Variants in ANKRD30A observed in about 807,000 individuals in gnomAD.
ANKRD30A encodes ankyrin repeat domain-containing protein 30A.
Under a neutral mutation model 166.3 loss-of-function variants are expected in ANKRD30A, and 170 were observed. That is an observed-to-expected ratio of 1.02 (90% confidence interval 0.90 to 1.16). The LOEUF (loss-of-function observed/expected upper bound fraction) is 1.16. Ranked by LOEUF, ANKRD30A falls within the 50% of genes most tolerant of loss-of-function variation. The probability of loss-of-function intolerance (pLI) is 0.00; values close to 1 mark genes in which losing one functional copy is unlikely to be tolerated. For missense variants in ANKRD30A, 1,630 were observed against 1,518.0 expected (o/e 1.07, Z -1.23); for synonymous variants, 564 against 508.9 (o/e 1.11, Z -1.46).
At position 37,125,857 on chromosome 10, in the gene ANKRD30A, C is replaced by G. The variant is rs963339579; in HGVS notation, c.70C>G (p.Leu24Val). Reference protein sequence around the residue: ...GPERPSPFSQLVYTSNDSYIV... With the variant: ...GPERPSPFSQVVYTSNDSYIV... ...GGAGCGCCCGAGCCCTTTCAGCCAG[C>G]TAGTCTATACCAGCAACGACTCCTA... The change falls in exon 1 of 36, where the codon CTA becomes GTA. Residue 24 changes from leucine to valine, a missense_variant. Around this residue, in one of 4 missense-constraint regions of ANKRD30A, gnomAD observed 904 missense variants for 818.5 expected, o/e 1.10. Coordinates refer to ENST00000361713, the MANE Select transcript of ANKRD30A (RefSeq NM_052997.3). 2.2e-6 allele frequency: 3 copies of G among 1,350,044 alleles called. No individual in the cohort carries two copies. The highest frequency in any genetic ancestry group is 3.1e-6 in the Non-Finnish European group (3 of 956,602). The allele number at this position is 1,350,044 out of a possible 1,614,324, so 83.6% of individuals were successfully genotyped here. A position where few individuals can be genotyped will look rare whatever the true frequency, so the allele number is the denominator to read the frequency against.
intron 31 of ANKRD30A, among the ~76,000 whole-genome samples, chr10:37,205,048 T>C (rs186859983): frequency 1.3e-5 from 2 of 152,310 alleles, no homozygotes; most frequent in Admixed American, 6.5e-5. Flanking sequence ...TGGTGATTCC[T>C]GAAGGATCTA....
Position 37,231,564 on chromosome 10 carries a change from T to C in ANKRD30A, c.*95T>C. 1 of 989,270 alleles carries C rather than the reference T, an allele frequency of 1.0e-6. No individual in the cohort carries two copies. The highest frequency in any genetic ancestry group is 2.7e-5 in the Admixed American group (1 of 37,700). The allele number at this position is 989,270 out of a possible 1,614,324, so 61.3% of individuals were successfully genotyped here. A position where few individuals can be genotyped will look rare whatever the true frequency, so the allele number is the denominator to read the frequency against. ...AGGCCAGTCCTAGCATCACCTTATGTTGAAAATCTTACCAATAGTCTGTGT... is the reference window on the plus strand; with the variant it reads ...AGGCCAGTCCTAGCATCACCTTATGCTGAAAATCTTACCAATAGTCTGTGT... On this transcript the variant is annotated 3_prime_UTR_variant, in exon 35 of 36. Transcript: ENST00000361713.
chr10:37,219,624 C>T lies in ANKRD30A; in HGVS notation c.3912C>T (p.Asn1304=), dbSNP rs879093946. The T allele has an allele frequency of 5.0e-6, 8 of 1,609,946 alleles. No individual in the cohort carries two copies. Among genetic ancestry groups the T allele is most frequent in the East Asian group, 2.2e-5 (1 of 44,660 alleles). ...QMKEAEHMYQ[N]EQDNVNKHTE... ...AGGAAGCTGAACACATGTATCAAAA[C>T]GAACAAGATAATGTGAACAAACACA... The change falls in exon 34 of 36, where the codon AAC becomes AAT. Residue 1304 remains asparagine (N), a synonymous_variant. Transcript: ENST00000361713.
intron 34 of ANKRD30A, among the ~76,000 whole-genome samples, chr10:37,229,900 A>T (rs1843338466): frequency 6.6e-6 from 1 of 151,974 alleles, no homozygotes; most frequent in Non-Finnish European, 1.5e-5. Flanking sequence ...ACATTAGGGT[A>T]AATGGGGTAT....
rs1839031165 is a variant in ANKRD30A at position 37,162,770 on chromosome 10, A to AT, written c.1930-3dup. On this transcript the variant is annotated splice_polypyrimidine_tract_variant and splice_region_variant and intron_variant, in intron 16 of 35. Coordinates refer to ENST00000361713, the MANE Select transcript of ANKRD30A (RefSeq NM_052997.3). ...TATTAATCATTTTGCTTCCAACCCC[A>AT]TTTAGCCTGCCACTGAAATGCAAAA... The AT allele has an allele frequency of 6.2e-7, 1 of 1,613,616 alleles. No homozygotes were observed. Among genetic ancestry groups the AT allele is most frequent in the African/African-American group, 1.3e-5 (1 of 74,898 alleles).
At chr10:37,160,569 A>C (rs1258803896) in intron 15 of ANKRD30A, among the ~76,000 whole-genome samples, 2 of 152,178 alleles carry the variant, frequency 1.3e-5, no homozygotes, top group Non-Finnish European at 2.9e-5. Context: ...ATATGAAATA[A>C]TGTCTGAAGT....
the ANKRD30A span, among the ~76,000 whole-genome samples, chr10:37,263,381 A>T: frequency 1.3e-5 from 2 of 151,888 alleles, no homozygotes; most frequent in Non-Finnish European, 2.9e-5. Context: ...CATTACGTTT[A>T]TTATGCACTT....
At chr10:37,164,277 C>T (rs899931625) in intron 17 of ANKRD30A, among the ~76,000 whole-genome samples, 1 of 145,440 alleles carries the variant, frequency 6.9e-6, no homozygotes, top group African/African-American at 2.6e-5. Context: ...GAAAACTGGA[C>T]GTTATTTTTG....
Position 37,219,299 on chromosome 10 carries a change from A to T in ANKRD30A, c.3587A>T (p.Glu1196Val), listed in dbSNP as rs1171008662. 6.2e-7 allele frequency: 1 copy of T among 1,610,430 alleles called. No individual in the cohort carries two copies. Among genetic ancestry groups the T allele is most frequent in the Non-Finnish European group, 8.5e-7 (1 of 1,177,666 alleles). ...QDKEILEAEI[E>V]SHHPRLASAV... Reference sequence around the variant, plus strand: ...AAAGAAATACTAGAGGCAGAAATTGAATCACACCATCCTAGACTGGCTTCT... The same window carrying T: ...AAAGAAATACTAGAGGCAGAAATTGTATCACACCATCCTAGACTGGCTTCT... The change falls in exon 34 of 36, where the codon GAA becomes GTA. Residue 1196 changes from glutamate to valine, a missense_variant. This residue lies in a region of ANKRD30A where 712 missense variants were observed against 629.3 expected (regional missense o/e 1.13). Coordinates refer to ENST00000361713, the MANE Select transcript of ANKRD30A (RefSeq NM_052997.3).
At chr10:37,228,440 A>C (rs1843260314) in intron 34 of ANKRD30A, among the ~76,000 whole-genome samples, 2 of 152,014 alleles carry the variant, frequency 1.3e-5, no homozygotes, top group Admixed American at 6.6e-5. Context: ...TTTCTCATTG[A>C]AGAAAGGAAA....
At chr10:37,172,517 CAG>C (rs1485292163) in intron 21 of ANKRD30A, among the ~76,000 whole-genome samples, 194 of 113,182 alleles carry the variant, frequency 1.7e-3, no homozygotes, top group African/African-American at 6.2e-3. Flanking sequence ...AAGAATTCTA[CAG>C]AGTTAGAGGT....
At chr10:37,165,392 A>G (rs1377950483) in intron 18 of ANKRD30A, among the ~76,000 whole-genome samples, 3 of 152,238 alleles carry the variant, frequency 2.0e-5, no homozygotes, top group Non-Finnish European at 2.9e-5. Context: ...TGTAAAAACT[A>G]AGGCTTAGAA....
intron 31 of ANKRD30A, among the ~76,000 whole-genome samples, chr10:37,208,290 C>G (rs141146282): frequency 1.4e-4 from 22 of 152,188 alleles, no homozygotes; most frequent in African/African-American, 4.8e-4. Flanking sequence ...TTTTGTCAGT[C>G]CAGTCCAGCT....
At chr10:37,198,278 A>G (rs780338189) in intron 29 of ANKRD30A, among the ~76,000 whole-genome samples, 2 of 152,060 alleles carry the variant, frequency 1.3e-5, no homozygotes, top group Non-Finnish European at 2.9e-5. Flanking sequence ...TGTGCAGTGT[A>G]ATGTTCGGCA....
rs1191264327 is a variant in ANKRD30A at position 37,125,729 on chromosome 10, G to A, written c.-59G>A. On this transcript the variant is annotated 5_prime_UTR_variant, in exon 1 of 36. In the 5' UTR this introduces an upstream ATG that the reference lacks. Coordinates refer to ENST00000361713, the MANE Select transcript of ANKRD30A (RefSeq NM_052997.3). ...GAGGGCGATTGGGGAGGGGTGGGGG[G>A]TGGTGGCTGGGAAGGGCGATCGGGA... The A allele has an allele frequency of 1.8e-6, 1 of 565,536 alleles. No individual in the cohort carries two copies. Among genetic ancestry groups the A allele is most frequent in the Non-Finnish European group, 3.2e-6 (1 of 313,218 alleles). The allele number at this position is 565,536 out of a possible 1,614,324, so 35.0% of individuals were successfully genotyped here.
intron 15 of ANKRD30A, among the ~76,000 whole-genome samples, chr10:37,161,110 C>T (rs1469770062): frequency 1.3e-5 from 2 of 152,056 alleles, no homozygotes; most frequent in African/African-American, 4.8e-5. Flanking sequence ...AAAAATTAGT[C>T]GGACGTGGTG....
the ANKRD30A span, among the ~76,000 whole-genome samples, chr10:37,265,701 G>T: frequency 6.6e-6 from 1 of 152,220 alleles, no homozygotes; most frequent in Admixed American, 6.5e-5. Flanking sequence ...TGTTTCCACC[G>T]ACGTTTAAAG....
intron 31 of ANKRD30A, among the ~76,000 whole-genome samples, chr10:37,203,978 G>A (rs927661452): frequency 1.3e-5 from 2 of 152,102 alleles, no homozygotes; most frequent in African/African-American, 2.4e-5. Flanking sequence ...ACTGCTTAAC[G>A]AAATAAAAGA....
chr10:37,258,817 G>C, the ANKRD30A span, among the ~76,000 whole-genome samples: 10 of 151,690 alleles, frequency 6.6e-5, no homozygotes, highest in East Asian at 2.0e-3. Context: ...CAAAAAATTA[G>C]CCAGGCATGG....
Sources: gnomAD v4.1 joint callset for allele counts (sites outside exome capture counted in the v4.1 genomes callset) on GRCh38, gnomAD v4.1.1 for gene constraint, gnomAD v4.1.1 regional missense constraint, MANE v1.5 for transcripts, NCBI Gene and HGNC (gene_info 2026-07-23, HGNC 2026-07-21) for gene names.